The following PIK3C3 variants were observed in gnomAD, a reference collection of about 807,000 sequenced individuals.
PIK3C3 encodes the protein PI3-kinase type 3.
In PIK3C3, 95 loss-of-function variants were observed where a neutral mutation model predicts 126.1. The observed-to-expected ratio is 0.75, with a 90% CI of 0.64 to 0.89. PIK3C3 has a LOEUF of 0.89. Ranked by LOEUF, PIK3C3 falls within the 40% of genes least tolerant of loss-of-function variation. PIK3C3 has a pLI of 0.00. For missense variants in PIK3C3, 829 were observed against 1,063.2 expected, an observed-to-expected ratio of 0.78 and a Z score of 3.06; for synonymous variants, 374 against 360.0, an observed-to-expected ratio of 1.04 and a Z score of -0.44.
chr18:41,993,565 A>C (rs1257550889), intron 7 of PIK3C3, among the ~76,000 whole-genome samples: 1 of 151,916 alleles, frequency 6.6e-6, no homozygotes, highest in Non-Finnish European at 1.5e-5. Flanking sequence ...TTGGGCATCC[A>C]CTTTGTTTGA....
At chr18:42,034,712 A>G (rs1285266142) in intron 16 of PIK3C3, among the ~76,000 whole-genome samples, 1 of 152,188 alleles carries the variant, frequency 6.6e-6, no homozygotes, top group African/African-American at 2.4e-5. Context: ...ATCTGTCAGC[A>G]TCATACTGAA....
intron 12 of PIK3C3, among the ~76,000 whole-genome samples, chr18:42,018,236 C>T (rs1319422725): frequency 6.6e-6 from 1 of 151,792 alleles, no homozygotes; most frequent in Admixed American, 6.6e-5. Flanking sequence ...GTTTTAAAAC[C>T]TTAAAGTATT....
chr18:42,042,561 A>G (rs1238704429), intron 19 of PIK3C3, among the ~76,000 whole-genome samples: 1 of 152,228 alleles, frequency 6.6e-6, no homozygotes, highest in Non-Finnish European at 1.5e-5. Flanking sequence ...GTGTACTTAA[A>G]GTTTTTAACA....
At chr18:41,960,503 G>C (rs1311407313) in intron 2 of PIK3C3, among the ~76,000 whole-genome samples, 1 of 152,182 alleles carries the variant, frequency 6.6e-6, no homozygotes, top group Non-Finnish European at 1.5e-5. Flanking sequence ...GGCGGTACCT[G>C]GTGGGGATTG....
At chr18:41,972,867 A>G (rs1980736767) in intron 4 of PIK3C3, among the ~76,000 whole-genome samples, 1 of 152,024 alleles carries the variant, frequency 6.6e-6, no homozygotes, top group Admixed American at 6.6e-5. Flanking sequence ...TGTATATCCC[A>G]GCTGCTATTG....
At chr18:41,994,215 TAAAAAG>T (rs1981918150) in intron 7 of PIK3C3, among the ~76,000 whole-genome samples, 1 of 152,036 alleles carries the variant, frequency 6.6e-6, no homozygotes, top group African/African-American at 2.4e-5. Flanking sequence ...TATAAAAAGT[TAAAAAG>T]AAAAGGCCAC....
chr18:42,029,790 G>A (rs1172320313), intron 15 of PIK3C3, among the ~76,000 whole-genome samples: 3 of 151,794 alleles, frequency 2.0e-5, no homozygotes, highest in Non-Finnish European at 4.4e-5. Flanking sequence ...TGATCCACCC[G>A]CCTCAACCTC....
chr18:42,054,351 A>G (rs1026749630), intron 21 of PIK3C3, among the ~76,000 whole-genome samples: 5 of 150,838 alleles, frequency 3.3e-5, no homozygotes, highest in Non-Finnish European at 7.4e-5. Context: ...AGAAAGATGT[A>G]GGCTGGGAGG....
intron 4 of PIK3C3, among the ~76,000 whole-genome samples, chr18:41,979,695 T>A (rs902180726): frequency 2.0e-5 from 3 of 152,098 alleles, no homozygotes; most frequent in African/African-American, 7.2e-5. Flanking sequence ...GATGAAAGAT[T>A]TAAATAATAA....
chr18:42,029,380 T>C lies in PIK3C3; in HGVS notation c.1646T>C (p.Val549Ala). Reference protein sequence around the residue: ...RSLLAAQQTFVDRLVHLMKAV... With the variant: ...RSLLAAQQTFADRLVHLMKAV... Reference sequence around the variant, plus strand: ...TTGCTGGCTGCACAACAGACATTTGTAGATCGGTTGGTGCATCTAATGAAG... The same window carrying C: ...TTGCTGGCTGCACAACAGACATTTGCAGATCGGTTGGTGCATCTAATGAAG... Residue 549 changes from valine (V) to alanine (A), a missense_variant, in exon 15 of 25, where the codon GTA becomes GCA. Physicochemically the swap from Val to Ala is moderately conservative, Grantham distance 64. Transcript: ENST00000262039. 6.2e-7 allele frequency: 1 copy of C among 1,613,900 alleles called. No individual in the cohort carries two copies. The highest frequency in any genetic ancestry group is 8.5e-7 in the Non-Finnish European group (1 of 1,179,862).
chr18:42,020,556 T>A, intron 12 of PIK3C3, 82 bp from the exon 13 acceptor site: 2 of 857,722 alleles, frequency 2.3e-6, no homozygotes, highest in Admixed American at 4.5e-5. Flanking sequence ...AGATGAAAAC[T>A]GATAGGCAAA....
At chr18:41,974,604 A>C (rs1980824702) in intron 4 of PIK3C3, among the ~76,000 whole-genome samples, 1 of 143,064 alleles carries the variant, frequency 7.0e-6, no homozygotes. Context: ...TTCCCTAATT[A>C]ATTTTTAGTA....
At chr18:41,975,698 GTTT>G (rs35430380) in intron 4 of PIK3C3, among the ~76,000 whole-genome samples, 11,481 of 134,662 alleles carry the variant, frequency 0.085, 1,455 homozygotes, top group African/African-American at 0.29. Context: ...AAAACGGACT[GTTT>G]TTTTTTTTTT....
chr18:41,965,813 C>T (rs1015580104), intron 3 of PIK3C3, among the ~76,000 whole-genome samples: 3 of 152,114 alleles, frequency 2.0e-5, no homozygotes, highest in African/African-American at 7.2e-5. Context: ...AAGCTGGCAG[C>T]GTGCCTAAAG....
rs1050182649 is a variant in PIK3C3 at position 42,020,622 on chromosome 18, C to T, written c.1417-16C>T. The T allele has an allele frequency of 6.4e-7, 1 of 1,550,926 alleles. No individual in the cohort carries two copies. The highest frequency in any genetic ancestry group is 8.8e-7 in the Non-Finnish European group (1 of 1,132,102). On this transcript the variant is annotated splice_polypyrimidine_tract_variant and intron_variant, in intron 12 of 24. Transcript: ENST00000262039. ...GTAGATGATAATATATAATACATTT[C>T]TTTTAATTCTTTCAGCAAGATCTCT...
rs372117285 is a variant in PIK3C3, at chr18:41,955,306, G to A, written c.15G>A (p.Glu5=). The A allele has an allele frequency of 3.7e-6, 6 of 1,613,502 alleles. No homozygotes were observed. The highest frequency in any genetic ancestry group is 3.3e-5 in the Admixed American group (2 of 59,940). ...CAGACGGTGCGATGGGGGAAGCAGAGAAGTTTCACTACATCTATAGTTGTG... is the reference window on the plus strand; with the variant it reads ...CAGACGGTGCGATGGGGGAAGCAGAAAAGTTTCACTACATCTATAGTTGTG... The part of the protein sequence containing the change: MGEA[E]KFHYIYSCDL... Residue 5 remains glutamate, a synonymous_variant, in exon 1 of 25, where the codon GAG becomes GAA. Coordinates refer to ENST00000262039, the MANE Select transcript of PIK3C3 (RefSeq NM_002647.4).
intron 20 of PIK3C3, among the ~76,000 whole-genome samples, chr18:42,048,867 C>T (rs921306900): frequency 9.9e-5 from 15 of 152,012 alleles, no homozygotes; most frequent in African/African-American, 3.6e-4. Flanking sequence ...TAGAAATAAA[C>T]ATAGTTAAAA....
At chr18:41,965,258 G>A (rs1168836104) in intron 3 of PIK3C3, among the ~76,000 whole-genome samples, 1 of 152,170 alleles carries the variant, frequency 6.6e-6, no homozygotes, top group Non-Finnish European at 1.5e-5. Context: ...TCAACAGGAG[G>A]TTCCCTCATA....
chr18:42,051,959 A>G (rs986255979), intron 21 of PIK3C3, among the ~76,000 whole-genome samples: 1 of 151,678 alleles, frequency 6.6e-6, no homozygotes, highest in Admixed American at 6.6e-5. Flanking sequence ...ATGTACCCTA[A>G]AACTTAAAGT....
Sources: gnomAD v4.1 joint callset for allele counts (sites outside exome capture counted in the v4.1 genomes callset) on GRCh38, gnomAD v4.1.1 for gene constraint, MANE v1.5 for transcripts, NCBI Gene and HGNC (gene_info 2026-07-23, HGNC 2026-07-21) for gene names.